The following TSHZ1 variants were observed in gnomAD, a reference collection of about 807,000 sequenced individuals.
TSHZ1 encodes teashirt homolog 1.
Under a neutral mutation model 67.1 loss-of-function variants are expected in TSHZ1, and 12 were observed. The observed-to-expected ratio is 0.18, with a 90% CI of 0.11 to 0.29. The LOEUF is 0.29. Among genes scored for constraint, TSHZ1 ranks in the 10% least tolerant of loss-of-function variants. The probability of loss-of-function intolerance (pLI) is 1.00; values close to 1 mark genes in which losing one functional copy is unlikely to be tolerated. For missense variants in TSHZ1, 1,305 were observed against 1,413.9 expected (o/e 0.92, Z 1.23); for synonymous variants, 632 against 622.4 (o/e 1.02, Z -0.23).
In TSHZ1 at chr18:75,287,369, G is replaced by A; in HGVS notation, c.1962G>A (p.Lys654=). ...TCACGGGCAAGGTCAACATCAAGAA[G>A]GAGGAGAGACCCCCTGAGAAGGAGA... ...EKVTGKVNIK[K]EERPPEKEKS... is the part of the protein sequence containing the mutation. Residue 654 remains lysine, a synonymous_variant, in exon 2 of 2, where the codon AAG becomes AAA. Coordinates refer to ENST00000580243, the MANE Select transcript of TSHZ1 (RefSeq NM_001308210.2). This position sits in a 1 kb window ranked among gnomAD's most constrained non-coding sequence, Gnocchi z 5.0. 1.9e-6 allele frequency: 3 copies of A among 1,614,132 alleles called. No homozygotes were observed. Among genetic ancestry groups the A allele is most frequent in the African/African-American group, 2.7e-5 (2 of 75,060 alleles).
chr18:75,268,120 G>T (rs2023514005), intron 1 of TSHZ1, among the ~76,000 whole-genome samples: 2 of 152,190 alleles, frequency 1.3e-5, no homozygotes, highest in South Asian at 4.1e-4. Context: ...CAATTGTTTT[G>T]CTGACTTGCA....
Position 75,286,760 on chromosome 18 carries a change from G to T in TSHZ1, c.1353G>T (p.Lys451Asn), listed in dbSNP as rs1191181662. ...FLKVTTSASKKGKQLVLDPVV... is the reference protein window; with the variant it reads ...FLKVTTSASKNGKQLVLDPVV... ...AAGTGACCACCTCGGCTTCTAAGAA[G>T]GGCAAGCAGTTGGTGCTGGACCCTG... The change falls in exon 2 of 2, where the codon AAG becomes AAT. Residue 451 changes from lysine (K) to asparagine (N), a missense_variant. This residue lies in a region of TSHZ1 where 909 missense variants were observed against 961.8 expected (regional missense o/e 0.95). Coordinates refer to ENST00000580243, the MANE Select transcript of TSHZ1 (RefSeq NM_001308210.2). This position sits in a 1 kb window ranked among gnomAD's most constrained non-coding sequence, Gnocchi z 5.1. 1 of 1,613,574 alleles carries T rather than the reference G, an allele frequency of 6.2e-7. No homozygotes were observed. The highest frequency in any genetic ancestry group is 8.5e-7 in the Non-Finnish European group (1 of 1,180,026).
intron 1 of TSHZ1, among the ~76,000 whole-genome samples, chr18:75,249,110 C>T (rs951298409): frequency 1.3e-5 from 2 of 152,136 alleles, no homozygotes; most frequent in African/African-American, 4.8e-5. Context: ...CCTGCCTACC[C>T]GGGGCTCTGG....
intron 1 of TSHZ1, among the ~76,000 whole-genome samples, chr18:75,253,855 T>C (rs529784176): frequency 6.6e-6 from 1 of 152,392 alleles, no homozygotes; most frequent in South Asian, 2.1e-4. Flanking sequence ...ATTGTTCAGA[T>C]GTGCTGCTTT....
At chr18:75,244,265 C>T (rs1485946178) in intron 1 of TSHZ1, among the ~76,000 whole-genome samples, 1 of 152,164 alleles carries the variant, frequency 6.6e-6, no homozygotes, top group Non-Finnish European at 1.5e-5. Flanking sequence ...TTTAACTCTT[C>T]CTGGACTTTT....
intron 1 of TSHZ1, among the ~76,000 whole-genome samples, chr18:75,238,746 T>G (rs548474538): frequency 1.2e-4 from 18 of 152,210 alleles, no homozygotes; most frequent in Non-Finnish European, 8.8e-5. Context: ...GGTGACTGCT[T>G]GTTTAGTATG....
At chr18:75,224,985 CT>C (rs113089676) in intron 1 of TSHZ1, among the ~76,000 whole-genome samples, 292 of 147,628 alleles carry the variant, frequency 2.0e-3, no homozygotes, top group Admixed American at 5.4e-3. Flanking sequence ...AACAGCTGTC[CT>C]TTTTTTTTTT....
chr18:75,272,007 A>G (rs2023564143), intron 1 of TSHZ1, among the ~76,000 whole-genome samples: 1 of 152,166 alleles, frequency 6.6e-6, no homozygotes, highest in Non-Finnish European at 1.5e-5. Flanking sequence ...CATCTGTCCT[A>G]CCCCATAATG....
chr18:75,253,286 A>G (rs1158066476), intron 1 of TSHZ1, among the ~76,000 whole-genome samples: 2 of 152,206 alleles, frequency 1.3e-5, no homozygotes, highest in Admixed American at 1.3e-4. Flanking sequence ...TGTATGTGGT[A>G]GCTAGATTTC....
At chr18:75,261,747 C>T (rs1041650905) in intron 1 of TSHZ1, among the ~76,000 whole-genome samples, 2 of 152,176 alleles carry the variant, frequency 1.3e-5, no homozygotes, top group Non-Finnish European at 2.9e-5. Context: ...TGCTGTAGGA[C>T]CTTTGGCTGA....
At chr18:75,237,843 A>G (rs1049427537) in intron 1 of TSHZ1, among the ~76,000 whole-genome samples, 6 of 144,502 alleles carry the variant, frequency 4.2e-5, no homozygotes, top group Non-Finnish European at 9.2e-5. Flanking sequence ...ACGGGGTTTC[A>G]CTCTTGTTGC....
At position 75,285,766 on chromosome 18, in the gene TSHZ1, A is replaced by G. The variant is rs747035582; in HGVS notation, c.359A>G (p.Tyr120Cys). Residue 120 changes from tyrosine to cysteine, a missense_variant, in exon 2 of 2, where the codon TAT (tyrosine) becomes TGT (cysteine). Around this residue, in one of 3 missense-constraint regions of TSHZ1, gnomAD observed 358 missense variants for 375.6 expected, o/e 0.95. Coordinates refer to ENST00000580243, the MANE Select transcript of TSHZ1 (RefSeq NM_001308210.2). Reference protein sequence around the residue: ...QDSLAQIKAVYANLFSESCWS... With the variant: ...QDSLAQIKAVCANLFSESCWS... ...AGCCTGGCACAGATCAAAGCTGTGT[A>G]TGCAAACTTGTTCTCCGAGTCCTGC... is the stretch of plus-strand genomic sequence containing the variant. 4 of 1,614,116 alleles carry G rather than the reference A, an allele frequency of 2.5e-6. No homozygotes were observed. Among genetic ancestry groups the G allele is most frequent in the South Asian group, 1.1e-5 (1 of 91,084 alleles).
In TSHZ1 at chr18:75,287,927, C is replaced by G; in HGVS notation, c.2520C>G (p.Ile840Met). The change falls in exon 2 of 2, where the codon ATC becomes ATG. Residue 840 changes from isoleucine to methionine, a missense_variant. Coordinates refer to ENST00000580243, the MANE Select transcript of TSHZ1 (RefSeq NM_001308210.2). This position sits in a 1 kb window ranked among gnomAD's most constrained non-coding sequence, Gnocchi z 5.0. ...TGCGGGAGAGCGCACTCATGGACATCTCCGACATGGTGAAAAACCTCACAG... is the reference window on the plus strand; with the variant it reads ...TGCGGGAGAGCGCACTCATGGACATGTCCGACATGGTGAAAAACCTCACAG... The part of the protein sequence containing the change: ...SPLRESALMD[I>M]SDMVKNLTGR... The G allele has an allele frequency of 6.2e-7, 1 of 1,614,232 alleles. No homozygotes were observed. Among genetic ancestry groups the G allele is most frequent in the Admixed American group, 1.7e-5 (1 of 60,038 alleles).
In TSHZ1 at chr18:75,287,456, G is replaced by A. The variant is rs146482929; in HGVS notation, c.2049G>A (p.Thr683=). The A allele has an allele frequency of 1.9e-5, 30 of 1,614,204 alleles. No homozygotes were observed. In the East Asian group the frequency reaches 2.5e-4, roughly 13 times the overall value. Residue 683 remains threonine, a synonymous_variant, in exon 2 of 2, where the codon ACG becomes ACA. Coordinates refer to ENST00000580243, the MANE Select transcript of TSHZ1 (RefSeq NM_001308210.2). The surrounding 1 kb of genome is among the most constrained non-coding windows in gnomAD (Gnocchi z 5.0). The part of the protein sequence containing the change: ...IAKENKDFPK[T]EEVSGKPQKK... ...AAGAGAATAAAGATTTCCCGAAAACGGAGGAAGTCAGCGGCAAACCACAGA... is the reference window on the plus strand; with the variant it reads ...AAGAGAATAAAGATTTCCCGAAAACAGAGGAAGTCAGCGGCAAACCACAGA...
At chr18:75,264,512 GAGA>G (rs2023467939) in intron 1 of TSHZ1, among the ~76,000 whole-genome samples, 2 of 150,640 alleles carry the variant, frequency 1.3e-5, no homozygotes, top group South Asian at 4.2e-4. Context: ...TTAAGTGTAG[GAGA>G]AGGAGAAGAA....
chr18:75,277,488 C>T (rs1397907508), intron 1 of TSHZ1, among the ~76,000 whole-genome samples: 1 of 152,050 alleles, frequency 6.6e-6, no homozygotes, highest in African/African-American at 2.4e-5. Flanking sequence ...GAGCAACAGA[C>T]TTGTATTACT....
intron 1 of TSHZ1, among the ~76,000 whole-genome samples, chr18:75,227,494 GA>G (rs1274902910): frequency 6.6e-6 from 1 of 151,822 alleles, no homozygotes; most frequent in Non-Finnish European, 1.5e-5. Flanking sequence ...AAAACCACCA[GA>G]AAGTGCAAAG....
chr18:75,233,835 G>C (rs111257686), intron 1 of TSHZ1, among the ~76,000 whole-genome samples: 1 of 152,296 alleles, frequency 6.6e-6, no homozygotes, highest in Non-Finnish European at 1.5e-5. Flanking sequence ...GCATCCGCAC[G>C]CCCGGCTTGC....
chr18:75,269,964 C>T (rs1238009395), intron 1 of TSHZ1, among the ~76,000 whole-genome samples: 1 of 152,184 alleles, frequency 6.6e-6, no homozygotes, highest in Non-Finnish European at 1.5e-5. Context: ...CCTGTCATAG[C>T]GGATACATGT....
Sources: gnomAD v4.1 joint callset for allele counts (sites outside exome capture counted in the v4.1 genomes callset) on GRCh38, gnomAD v4.1.1 for gene constraint, gnomAD v4.1.1 regional missense constraint, Gnocchi (gnomAD v3.1) non-coding constraint, MANE v1.5 for transcripts, NCBI Gene and HGNC (gene_info 2026-07-23, HGNC 2026-07-21) for gene names.